SAMD12: variants seen among roughly 807,000 people sequenced by gnomAD.
SAMD12 encodes the protein sterile alpha motif domain-containing protein 12.
Under a neutral mutation model 15.0 loss-of-function variants are expected in SAMD12, and 9 were observed. That is an observed-to-expected ratio of 0.60 (90% CI 0.36 to 1.05). SAMD12 has a LOEUF of 1.05. Ranked by LOEUF, SAMD12 falls within the 50% of genes least tolerant of loss-of-function variation. The pLI is 0.01. For missense variants in SAMD12, 230 were observed against 234.2 expected (o/e 0.98, Z 0.12); for synonymous variants, 86 against 90.1 (o/e 0.96, Z 0.25).
At chr8:118,335,269 A>G (rs1397762736) in intron 4 of SAMD12, among the ~76,000 whole-genome samples, 1 of 152,144 alleles carries the variant, frequency 6.6e-6, no homozygotes, top group Non-Finnish European at 1.5e-5. Context: ...TTGTTGTCTC[A>G]ACCAACAAAT....
intron 2 of SAMD12, among the ~76,000 whole-genome samples, chr8:118,513,468 C>T (rs1412876412): frequency 6.6e-6 from 1 of 152,176 alleles, no homozygotes. Flanking sequence ...AAACAGCCAC[C>T]TACCCTCCCA....
chr8:118,421,969 C>T (rs560228848), intron 3 of SAMD12, among the ~76,000 whole-genome samples: 5 of 152,196 alleles, frequency 3.3e-5, no homozygotes, highest in African/African-American at 1.2e-4. Context: ...GGGGTTTCTC[C>T]AAGAACAAGA....
At chr8:118,458,948 ATATGTGTGTGTG>A (rs1823335450) in intron 2 of SAMD12, among the ~76,000 whole-genome samples, 1 of 75,118 alleles carries the variant, frequency 1.3e-5, no homozygotes, top group African/African-American at 4.7e-5. Context: ...CTTCAGCTAT[ATATGTGTGTGTG>A]TGTGTGTGTG....
chr8:118,272,575 C>G (rs768619155), intron 4 of SAMD12, among the ~76,000 whole-genome samples: 21 of 152,196 alleles, frequency 1.4e-4, no homozygotes, highest in Non-Finnish European at 2.8e-4. Flanking sequence ...GTTGCATCGT[C>G]ATGCTGCAAA....
chr8:118,250,503 ATTTT>A (rs112780663), intron 4 of SAMD12, among the ~76,000 whole-genome samples: 31 of 138,778 alleles, frequency 2.2e-4, no homozygotes, highest in African/African-American at 7.1e-4. Flanking sequence ...GCAAAAATGG[ATTTT>A]TTTTTTTTTT....
At position 118,433,908 on chromosome 8, in the gene SAMD12, G is replaced by A. The variant is rs901005983; in HGVS notation, c.322+5924C>T. On this transcript the variant is annotated intron_variant, in intron 3 of 3. Transcript: ENST00000314727. Reference sequence around the variant, plus strand: ...CTGGATTCTACTAAGTAGTATTCTCGTAAGTACATCACATAAAGTAATTAT... The same window carrying A: ...CTGGATTCTACTAAGTAGTATTCTCATAAGTACATCACATAAAGTAATTAT... 3.9e-5 allele frequency among the ~76,000 whole-genome samples: 6 copies of A among 152,144 alleles called. No individual in the cohort carries two copies. The East Asian group carries it at 9.6e-4, about 24-fold the overall frequency.
intron 4 of SAMD12, among the ~76,000 whole-genome samples, chr8:118,333,077 TCA>T (rs1272206390): frequency 2.6e-5 from 4 of 152,210 alleles, no homozygotes; most frequent in Non-Finnish European, 4.4e-5. Flanking sequence ...TAGAAGGTAC[TCA>T]CACACAGTTA....
At chr8:118,202,784 G>C (rs17484845) in intron 4 of SAMD12, among the ~76,000 whole-genome samples, 1,817 of 152,228 alleles carry the variant, frequency 0.012, 22 homozygotes, top group African/African-American at 0.028. Flanking sequence ...AAGGCCTTTG[G>C]GGGTGTATCT....
At chr8:118,438,310 T>C (rs1050315652) in intron 3 of SAMD12, among the ~76,000 whole-genome samples, 12 of 152,188 alleles carry the variant, frequency 7.9e-5, no homozygotes, top group Non-Finnish European at 1.6e-4. Context: ...TGAGCTACAA[T>C]TGGGTGTTTT....
At chr8:118,377,587 T>C (rs1433226638), downstream of SAMD12, among the ~76,000 whole-genome samples, 2 of 152,158 alleles carry the variant, frequency 1.3e-5, no homozygotes, top group South Asian at 2.1e-4. Context: ...TTCAAAGGAC[T>C]GAACTGGGCA....
intron 2 of SAMD12, among the ~76,000 whole-genome samples, chr8:118,557,782 A>C (rs945668898): frequency 3.3e-5 from 5 of 152,220 alleles, no homozygotes; most frequent in Admixed American, 2.6e-4. Flanking sequence ...CTGCCTCTAG[A>C]AATAAAATCC....
intron 1 of SAMD12, among the ~76,000 whole-genome samples, chr8:118,598,175 G>T (rs1039807578): frequency 6.6e-6 from 1 of 152,146 alleles, no homozygotes; most frequent in Non-Finnish European, 1.5e-5. Flanking sequence ...AGTTTCATCC[G>T]AGAATCAAAG....
chr8:118,258,279 T>C (rs1461529048), intron 4 of SAMD12, among the ~76,000 whole-genome samples: 1 of 151,462 alleles, frequency 6.6e-6, no homozygotes, highest in African/African-American at 2.4e-5. Context: ...TATTGTTCTC[T>C]CTCTATCTGT....
At chr8:118,320,137 T>C (rs570873272) in intron 4 of SAMD12, among the ~76,000 whole-genome samples, 1 of 152,136 alleles carries the variant, frequency 6.6e-6, no homozygotes, top group Non-Finnish European at 1.5e-5. Context: ...TGTGGCAAAA[T>C]TCTACAGATG....
intron 4 of SAMD12, among the ~76,000 whole-genome samples, chr8:118,224,120 T>C (rs1051589786): frequency 5.3e-5 from 8 of 152,170 alleles, no homozygotes; most frequent in African/African-American, 1.9e-4. Context: ...GGAAATTGTA[T>C]GTTGGAAGTT....
downstream of SAMD12, among the ~76,000 whole-genome samples, chr8:118,375,044 T>C (rs1054761020): frequency 2.6e-5 from 4 of 152,124 alleles, no homozygotes; most frequent in African/African-American, 9.7e-5. Flanking sequence ...GGGTTTTGCC[T>C]AGTGGGGGTA....
intron 2 of SAMD12, among the ~76,000 whole-genome samples, chr8:118,467,548 C>T (rs1377999706): frequency 7.9e-5 from 12 of 152,166 alleles, no homozygotes; most frequent in Admixed American, 7.9e-4. Flanking sequence ...GAACATGTGG[C>T]CATGATCTTT....
intron 2 of SAMD12, among the ~76,000 whole-genome samples, chr8:118,547,474 T>G (rs763286828): frequency 6.6e-6 from 1 of 152,210 alleles, no homozygotes; most frequent in Admixed American, 6.5e-5. Flanking sequence ...CTTGCCCCAC[T>G]AGACTAACTG....
chr8:118,447,868 G>A (rs1822964941), intron 2 of SAMD12, among the ~76,000 whole-genome samples: 1 of 151,848 alleles, frequency 6.6e-6, no homozygotes, highest in Non-Finnish European at 1.5e-5. Flanking sequence ...TGGGGCTACA[G>A]GAGCCCGCCA....
Sources: gnomAD v4.1 joint callset for allele counts (sites outside exome capture counted in the v4.1 genomes callset) on GRCh38, gnomAD v4.1.1 for gene constraint, MANE v1.5 for transcripts, NCBI Gene and HGNC (gene_info 2026-07-23, HGNC 2026-07-21) for gene names.